CAND1: variants seen among roughly 807,000 people sequenced by gnomAD.
The protein encoded by CAND1 is cullin-associated NEDD8-dissociated protein 1.
Under a neutral mutation model 108.5 loss-of-function variants are expected in CAND1, and 7 were observed. The ratio of observed to expected loss-of-function variants is 0.06; its 90% CI spans 0.04 to 0.12. The LOEUF is 0.12. Ranked by LOEUF, CAND1 falls within the 10% of genes least tolerant of loss-of-function variation. The pLI, the probability that CAND1 is intolerant of heterozygous loss-of-function variation, is 1.00. For missense variants in CAND1, 941 were observed against 1,448.7 expected (o/e 0.65, Z 5.69); for synonymous variants, 534 against 512.0 (o/e 1.04, Z -0.58).
intron 7 of CAND1, among the ~76,000 whole-genome samples, chr12:67,300,279 T>G (rs1004589482): frequency 1.5e-3 from 73 of 50,114 alleles, no homozygotes; most frequent in Non-Finnish European, 2.2e-3. Flanking sequence ...GTCCTTGAAC[T>G]TAACCTGTTA....
At chr12:67,292,827 C>A in intron 3 of CAND1, 51 bp downstream of exon 3, 1 of 1,580,060 alleles carries the variant, frequency 6.3e-7, no homozygotes, top group Non-Finnish European at 8.7e-7. Context: ...GGAGGTATTT[C>A]TCCCCACCCT....
In CAND1 at chr12:67,316,484, A is replaced by G. The variant is rs980232253; in HGVS notation, c.*3654A>G. 8 of 152,236 alleles carry G rather than the reference A, an allele frequency of 5.3e-5. No individual in the cohort carries two copies. The allele number at this position is 152,236 out of a possible 1,614,324, so 9.4% of individuals were successfully genotyped here. A position where few individuals can be genotyped will look rare whatever the true frequency, so the allele number is the denominator to read the frequency against. On this transcript the variant is annotated 3_prime_UTR_variant, in exon 15 of 15. Coordinates refer to ENST00000545606, the MANE Select transcript of CAND1 (RefSeq NM_018448.5). Reference sequence around the variant, plus strand: ...GTTTCAGGCAAGATCTTTCAGCAACATGTTTTTGCTCTTTGTAACTTAGAA... The same window carrying G: ...GTTTCAGGCAAGATCTTTCAGCAACGTGTTTTTGCTCTTTGTAACTTAGAA...
rs564822750 is a variant in CAND1, at chr12:67,300,248, C to T, written c.1000+1153C>T. ...CTTCTTCTTCACCCTGACCACTGTA[C>T]TTAGAGTATCCCAAGGCTCAGTCCT... On this transcript the variant is annotated intron_variant, in intron 7 of 14. Transcript: ENST00000545606. 1.1e-3 allele frequency among the ~76,000 whole-genome samples: 159 copies of T among 147,412 alleles called. 1 individual carries two copies. The highest frequency in any genetic ancestry group is 4.0e-3 in the African/African-American group (158 of 39,272).
chr12:67,280,077 G>GT (rs1207567110), intron 1 of CAND1, among the ~76,000 whole-genome samples: 1 of 152,156 alleles, frequency 6.6e-6, no homozygotes, highest in East Asian at 1.9e-4. Context: ...TATAAAATGG[G>GT]TGAGGGGCTT....
intron 4 of CAND1, among the ~76,000 whole-genome samples, chr12:67,296,521 G>A (rs934335943): frequency 3.3e-5 from 5 of 151,096 alleles, no homozygotes; most frequent in Non-Finnish European, 7.4e-5. Flanking sequence ...TGCAGCCTCC[G>A]CCTCCTGGGT....
At chr12:67,294,052 T>G (rs2044745939) in intron 3 of CAND1, among the ~76,000 whole-genome samples, 1 of 152,232 alleles carries the variant, frequency 6.6e-6, no homozygotes, top group South Asian at 2.1e-4. Context: ...CCAGTGTTAT[T>G]TTACCTTTAT....
At chr12:67,303,532 A>G (rs2136015276) in intron 8 of CAND1, among the ~76,000 whole-genome samples, 1 of 152,304 alleles carries the variant, frequency 6.6e-6, no homozygotes, top group East Asian at 1.9e-4. Flanking sequence ...AATGCTATGG[A>G]AAGTCAGACA....
At chr12:67,271,442 A>G (rs1277776270) in intron 1 of CAND1, among the ~76,000 whole-genome samples, 1 of 152,202 alleles carries the variant, frequency 6.6e-6, no homozygotes, top group Non-Finnish European at 1.5e-5. Context: ...GTAGCACTTT[A>G]TAATAATACA....
intron 10 of CAND1, 125 bp from the exon 11 acceptor site, chr12:67,307,272 C>A (rs1442111859): frequency 4.5e-6 from 3 of 667,218 alleles, no homozygotes; most frequent in Admixed American, 4.7e-5. Context: ...TAAGAAATAC[C>A]CTTCTTGGCC....
chr12:67,303,787 T>C (rs1373044983), intron 8 of CAND1, among the ~76,000 whole-genome samples: 2 of 152,152 alleles, frequency 1.3e-5, no homozygotes, highest in Non-Finnish European at 2.9e-5. Context: ...ATACCCCTGC[T>C]GCTTGTAGCT....
Position 67,297,564 on chromosome 12 carries a change from C to A in CAND1, c.649C>A (p.His217Asn). 1 of 1,614,034 alleles carries A rather than the reference C, an allele frequency of 6.2e-7. No homozygotes were observed. Among genetic ancestry groups the A allele is most frequent in the Non-Finnish European group, 8.5e-7 (1 of 1,179,976 alleles). The change falls in exon 5 of 15, where the codon CAT (histidine) becomes AAT (asparagine). Residue 217 changes from histidine to asparagine, a missense_variant. This residue lies in a region of CAND1 where 697 missense variants were observed against 942.0 expected (regional missense o/e 0.74). Transcript: ENST00000545606. ...GNIVFVDLIE[H>N]LLSELSKNDS... is the part of the protein sequence containing the mutation. ...TATAGTTTTTGTAGATCTTATTGAA[C>A]ATCTGTTGTCAGAGTTGTCCAAAAA...
At chr12:67,310,544 G>C (rs2044938315) in intron 13 of CAND1, 1 of 358,522 alleles carries the variant, frequency 2.8e-6, no homozygotes, top group African/African-American at 2.1e-5. Context: ...GGCAGTGGAT[G>C]CAAAATGCTG....
intron 14 of CAND1, among the ~76,000 whole-genome samples, chr12:67,312,135 A>T (rs1385261191): frequency 1.3e-5 from 2 of 151,018 alleles, no homozygotes; most frequent in African/African-American, 4.9e-5. Context: ...TATTAGGTTG[A>T]CAACATTTGC....
chr12:67,307,645 T>C (rs2044902042), intron 11 of CAND1, among the ~76,000 whole-genome samples, 153 bp downstream of exon 11: 1 of 152,124 alleles, frequency 6.6e-6, no homozygotes. Flanking sequence ...TTTTAACAAA[T>C]TGCATTTGCC....
chr12:67,284,635 A>G (rs1423179071), intron 2 of CAND1, among the ~76,000 whole-genome samples: 3 of 152,120 alleles, frequency 2.0e-5, no homozygotes, highest in African/African-American at 7.2e-5. Context: ...GACAGAATTC[A>G]TCATCTGTTC....
chr12:67,297,574 C>T lies in CAND1; in HGVS notation c.659C>T (p.Ser220Leu). Reference protein sequence around the residue: ...VFVDLIEHLLSELSKNDSMST... With the variant: ...VFVDLIEHLLLELSKNDSMST... Reference sequence around the variant, plus strand: ...GTAGATCTTATTGAACATCTGTTGTCAGAGTTGTCCAAAAATGATTCTATG... The same window carrying T: ...GTAGATCTTATTGAACATCTGTTGTTAGAGTTGTCCAAAAATGATTCTATG... Residue 220 changes from serine (S) to leucine (L), a missense_variant, in exon 5 of 15, where the codon TCA becomes TTA. Physicochemically the swap from Ser to Leu is moderately radical, Grantham distance 145. Around this residue, in one of 9 missense-constraint regions of CAND1, gnomAD observed 697 missense variants for 942.0 expected, o/e 0.74. Transcript: ENST00000545606. The T allele has an allele frequency of 1.2e-6, 2 of 1,613,946 alleles. No homozygotes were observed. The highest frequency in any genetic ancestry group is 1.7e-6 in the Non-Finnish European group (2 of 1,179,966).
intron 4 of CAND1, 35 bp downstream of exon 4, chr12:67,295,191 A>G (rs372797158): frequency 1.7e-5 from 26 of 1,550,778 alleles, no homozygotes; most frequent in East Asian, 4.6e-5. Context: ...TACTCGTAAT[A>G]CAGATAACTA....
intron 9 of CAND1, 92 bp downstream of exon 9, chr12:67,304,838 A>C (rs534764202): frequency 1.4e-6 from 2 of 1,444,092 alleles, no homozygotes; most frequent in African/African-American, 2.9e-5. Flanking sequence ...TTTTAAAGGA[A>C]TATATGTGAC....
chr12:67,288,007 G>A (rs1475531874), intron 2 of CAND1, among the ~76,000 whole-genome samples: 1 of 151,432 alleles, frequency 6.6e-6, no homozygotes, highest in Non-Finnish European at 1.5e-5. Flanking sequence ...GTTTTGTGGT[G>A]TACCACATGG....
Sources: allele counts gnomAD v4.1 joint callset (sites outside exome capture counted in the v4.1 genomes callset), GRCh38; gene constraint gnomAD v4.1.1; regional missense constraint gnomAD v4.1.1; transcripts MANE v1.5; gene names NCBI Gene and HGNC (gene_info 2026-07-23, HGNC 2026-07-21).